Variants in KLF13 observed in about 807,000 individuals in gnomAD.
KLF13 encodes the protein KLF transcription factor 13.
Under a neutral mutation model 16.7 loss-of-function variants are expected in KLF13, and 8 were observed. That is an observed-to-expected ratio of 0.48 (90% CI 0.28 to 0.87). KLF13 has a LOEUF of 0.87. Ranked by LOEUF, KLF13 falls within the 40% of genes least tolerant of loss-of-function variation. The probability of loss-of-function intolerance (pLI) is 0.10; values close to 1 mark genes in which losing one functional copy is unlikely to be tolerated. For missense variants in KLF13, 447 were observed against 452.2 expected, an observed-to-expected ratio of 0.99 and a Z score of 0.10; for synonymous variants, 245 against 208.4, an observed-to-expected ratio of 1.18 and a Z score of -1.51.
intron 1 of KLF13, among the ~76,000 whole-genome samples, chr15:31,369,690 G>A (rs1426895723): frequency 2.6e-5 from 4 of 152,110 alleles, no homozygotes; most frequent in Non-Finnish European, 4.4e-5. Context: ...GTGACCTCCC[G>A]GGGTCTCTGC....
chr15:31,368,213 C>T (rs2039506183), intron 1 of KLF13, among the ~76,000 whole-genome samples: 1 of 152,230 alleles, frequency 6.6e-6, no homozygotes, highest in Non-Finnish European at 1.5e-5. Flanking sequence ...ATCTGCCCTA[C>T]TGCTGGCAGC....
intron 1 of KLF13, among the ~76,000 whole-genome samples, chr15:31,411,722 A>G (rs1457064610): frequency 6.6e-6 from 1 of 152,132 alleles, no homozygotes; most frequent in Non-Finnish European, 1.5e-5. Context: ...AAATTTTTTA[A>G]AAAAGAAAAC....
chr15:31,371,845 A>G (rs559185541), intron 1 of KLF13, among the ~76,000 whole-genome samples, 165 bp from the exon 2 acceptor site: 2 of 152,278 alleles, frequency 1.3e-5, no homozygotes, highest in African/African-American at 4.8e-5. Flanking sequence ...GCAGGGGCCC[A>G]CCTTCATCTC....
At chr15:31,366,845 G>C (rs1166416348) in intron 1 of KLF13, among the ~76,000 whole-genome samples, 1 of 150,570 alleles carries the variant, frequency 6.6e-6, no homozygotes, top group Non-Finnish European at 1.5e-5. Flanking sequence ...AGGTGCCTCA[G>C]ACCCTTCAGA....
upstream of KLF13, among the ~76,000 whole-genome samples, chr15:31,391,480 A>G (rs1401679061): frequency 6.7e-6 from 1 of 150,290 alleles, no homozygotes; most frequent in Non-Finnish European, 1.5e-5. Context: ...AATTCAGTGG[A>G]GTCTGCTCGC....
chr15:31,378,877 G>A (rs1287222125), downstream of KLF13, among the ~76,000 whole-genome samples: 6 of 152,152 alleles, frequency 3.9e-5, no homozygotes, highest in African/African-American at 7.2e-5. Flanking sequence ...CTGCCACCAC[G>A]CCCAGGTAAT....
chr15:31,382,266 C>T (rs2039736056), downstream of KLF13, among the ~76,000 whole-genome samples: 1 of 152,188 alleles, frequency 6.6e-6, no homozygotes, highest in Non-Finnish European at 1.5e-5. Flanking sequence ...GATCCTGGGC[C>T]AGAGGGTTGC....
chr15:31,398,174 T>C (rs1483289630), intron 2 of KLF13, among the ~76,000 whole-genome samples: 1 of 152,184 alleles, frequency 6.6e-6, no homozygotes, highest in African/African-American at 2.4e-5. Context: ...ATGCTCCTGC[T>C]CGGGCGGGGC....
At chr15:31,395,511 C>G (rs529607823) in intron 2 of KLF13, among the ~76,000 whole-genome samples, 2 of 151,904 alleles carry the variant, frequency 1.3e-5, no homozygotes, top group South Asian at 4.2e-4. Context: ...GGGTATACAC[C>G]TAGGAGTGGG....
At chr15:31,340,125 A>G (rs1167997167) in intron 1 of KLF13, 6 of 688,162 alleles carry the variant, frequency 8.7e-6, no homozygotes, top group Non-Finnish European at 1.1e-5. Context: ...GTAGGCCTGC[A>G]GGTCTATTTG....
intron 1 of KLF13, among the ~76,000 whole-genome samples, chr15:31,342,851 C>T (rs752360950): frequency 4.6e-5 from 7 of 152,160 alleles, no homozygotes; most frequent in Non-Finnish European, 7.4e-5. Flanking sequence ...GCTTTATTTC[C>T]GTCTTCCTGT....
At chr15:31,366,074 C>G (rs1333585025) in intron 1 of KLF13, 1 of 152,230 alleles carries the variant, frequency 6.6e-6, no homozygotes, top group Admixed American at 6.5e-5. Flanking sequence ...CCCTGAGCAG[C>G]TGCCCCGCCC....
At chr15:31,406,319 A>T (rs960296775), downstream of KLF13, among the ~76,000 whole-genome samples, 3 of 152,210 alleles carry the variant, frequency 2.0e-5, no homozygotes, top group African/African-American at 7.2e-5. Flanking sequence ...TCTACTAAAA[A>T]TACAAAAATT....
At position 31,339,784 on chromosome 15, in the gene KLF13, C is replaced by T. The variant is rs1026278425; in HGVS notation, c.577+11995C>T. The T allele has an allele frequency of 1.6e-5, 10 of 606,910 alleles. 1 individual carries two copies. The highest frequency in any genetic ancestry group is 3.0e-5 in the Non-Finnish European group (10 of 337,108). The allele number at this position is 606,910 out of a possible 1,614,324, so 37.6% of individuals were successfully genotyped here. On this transcript the variant is annotated intron_variant, in intron 1 of 1. Transcript: ENST00000307145. ...AATTCTAACTGCTCACCTAGGTAGC[C>T]TGGGCTGGCTGCGCCCAGTGGATGT...
At chr15:31,391,193 G>A (rs1421845807), upstream of KLF13, among the ~76,000 whole-genome samples, 1 of 75,560 alleles carries the variant, frequency 1.3e-5, no homozygotes, top group East Asian at 5.0e-4. Context: ...GCCTCTGGGG[G>A]TGCTCTGTGG....
At chr15:31,379,445 G>GA (rs112382077), downstream of KLF13, among the ~76,000 whole-genome samples, 1,385 of 143,274 alleles carry the variant, frequency 9.7e-3, 23 homozygotes, top group African/African-American at 0.032. Flanking sequence ...ATATTGACAG[G>GA]AAAAAAAAAA....
chr15:31,401,284 G>A (rs1026777533), intron 2 of KLF13, among the ~76,000 whole-genome samples: 2 of 152,370 alleles, frequency 1.3e-5, no homozygotes, highest in African/African-American at 2.4e-5. Context: ...ACAGGTGTGA[G>A]CCACTGCACC....
At chr15:31,342,421 A>G (rs952704790) in intron 1 of KLF13, among the ~76,000 whole-genome samples, 4 of 152,202 alleles carry the variant, frequency 2.6e-5, no homozygotes, top group African/African-American at 9.6e-5. Flanking sequence ...CCCAGGCACC[A>G]TGACAGGTTT....
chr15:31,394,653 T>G (rs2140986299), intron 2 of KLF13, among the ~76,000 whole-genome samples: 1 of 152,354 alleles, frequency 6.6e-6, no homozygotes, highest in East Asian at 1.9e-4. Context: ...TTTCTATAAC[T>G]TTTTTGAGAT....
Sources: gnomAD v4.1 joint callset for allele counts (sites outside exome capture counted in the v4.1 genomes callset) on GRCh38, gnomAD v4.1.1 for gene constraint, MANE v1.5 for transcripts, NCBI Gene and HGNC (gene_info 2026-07-23, HGNC 2026-07-21) for gene names.